Variants in CNGB1 observed in about 807,000 individuals in gnomAD.
CNGB1 encodes cyclic nucleotide gated channel subunit beta 1.
A neutral mutation model predicts 151.7 loss-of-function variants in CNGB1; 126 were observed. The ratio of observed to expected loss-of-function variants is 0.83; its 90% CI spans 0.72 to 0.96. The LOEUF (loss-of-function observed/expected upper bound fraction) is 0.96. Among genes scored for constraint, CNGB1 ranks in the 40% least tolerant of loss-of-function variants. The pLI is 0.00. For missense variants in CNGB1, 1,698 were observed against 1,627.0 expected (o/e 1.04, Z -0.75); for synonymous variants, 623 against 635.1 (o/e 0.98, Z 0.29).
Position 57,949,367 on chromosome 16 carries a change from C to G in CNGB1, c.1107G>C (p.Glu369Asp). The G allele has an allele frequency of 6.2e-7, 1 of 1,610,060 alleles. No homozygotes were observed. Among genetic ancestry groups the G allele is most frequent in the Non-Finnish European group, 8.5e-7 (1 of 1,179,932 alleles). Residue 369 changes from glutamate to aspartate, a missense_variant, in exon 14 of 33, where the codon GAG becomes GAC. Physicochemically the swap from Glu to Asp is conservative, Grantham distance 45. Transcript: ENST00000251102. ...EEEEEEEEEE[E>D]EEVTEVLLDS... ...AAATGACTTACTCAGTCACCTCCTC[C>G]TCTTCCTCCTCCTCCTCCTCTTCCT...
At chr16:57,929,882 C>A (rs1039200325) in intron 17 of CNGB1, among the ~76,000 whole-genome samples, 1 of 152,090 alleles carries the variant, frequency 6.6e-6, no homozygotes, top group Non-Finnish European at 1.5e-5. Context: ...AAATCAAAAC[C>A]ACAATGAGAT....
intron 9 of CNGB1, 42 bp from the exon 10 acceptor site, chr16:57,960,107 G>C: frequency 6.5e-7 from 1 of 1,536,032 alleles, no homozygotes; most frequent in Non-Finnish European, 8.7e-7. Flanking sequence ...GCCATCCCTT[G>C]AGGGCTTCCT....
In CNGB1 at chr16:57,923,303, C is replaced by G; in HGVS notation, c.1613G>C (p.Trp538Ser). The change falls in exon 18 of 33, where the codon TGG (tryptophan) becomes TCG (serine). Residue 538 changes from tryptophan to serine, a missense_variant. Coordinates refer to ENST00000251102, the MANE Select transcript of CNGB1 (RefSeq NM_001297.5). Reference sequence around the variant, plus strand: ...GTCCTTCGGGGTGGTGGGGTCAGACCAGGCAACCACTGGGGACTCTGCTGG... The same window carrying G: ...GTCCTTCGGGGTGGTGGGGTCAGACGAGGCAACCACTGGGGACTCTGCTGG... ...LSPAESPVVA[W>S]SDPTTPKDTD... 1 of 1,612,930 alleles carries G rather than the reference C, an allele frequency of 6.2e-7. No homozygotes were observed.
At chr16:57,950,654 C>G (rs1961926013) in intron 12 of CNGB1, 114 bp from the exon 13 acceptor site, 16 of 1,089,150 alleles carry the variant, frequency 1.5e-5, no homozygotes, top group Non-Finnish European at 2.2e-5. Flanking sequence ...TGCCTCAGTG[C>G]TTAGTCATGC....
rs1340854557 is a variant in CNGB1, at chr16:57,962,891, C to G, written c.382-19G>C. 3.7e-6 allele frequency: 6 copies of G among 1,612,414 alleles called. No individual in the cohort carries two copies. The South Asian group carries it at 6.6e-5, about 18-fold the overall frequency. On this transcript the variant is annotated intron_variant, in intron 5 of 32. Coordinates refer to ENST00000251102, the MANE Select transcript of CNGB1 (RefSeq NM_001297.5). Reference sequence around the variant, plus strand: ...CCAGGATCTGCCAGGGACAGACAGACAGACATGGGCAGGGAGCCCAAGGGC... The same window carrying G: ...CCAGGATCTGCCAGGGACAGACAGAGAGACATGGGCAGGGAGCCCAAGGGC...
At chr16:57,943,664 C>T (rs1961727692) in intron 14 of CNGB1, among the ~76,000 whole-genome samples, 1 of 151,976 alleles carries the variant, frequency 6.6e-6, no homozygotes, top group Non-Finnish European at 1.5e-5. Flanking sequence ...CTGCCCCCAC[C>T]CGAAAAAAGA....
At chr16:57,924,978 C>T (rs1415161125) in intron 17 of CNGB1, among the ~76,000 whole-genome samples, 3 of 152,068 alleles carry the variant, frequency 2.0e-5, no homozygotes, top group African/African-American at 7.2e-5. Flanking sequence ...CCCAATTAAA[C>T]CTCTTTTCTT....
chr16:57,885,623 TTG>T (rs2149350934), intron 32 of CNGB1, among the ~76,000 whole-genome samples: 1 of 147,942 alleles, frequency 6.8e-6, no homozygotes, highest in South Asian at 2.2e-4. Context: ...AGACGGAGTC[TTG>T]CTCTGCCACC....
chr16:57,920,801 C>T (rs1183844760), intron 18 of CNGB1, among the ~76,000 whole-genome samples: 1 of 152,148 alleles, frequency 6.6e-6, no homozygotes, highest in Non-Finnish European at 1.5e-5. Flanking sequence ...TTCAGATGGG[C>T]AGTTCTGGAA....
chr16:57,960,839 C>T lies in CNGB1; in HGVS notation c.534+1G>A, dbSNP rs200862689. ...CCCTGCCTCTCCCTTCCTTGGCTCA[C>T]CTCAGAGGATTTGGGGGGCTGAGGA... On this transcript the variant is annotated splice_donor_variant, in intron 8 of 32. Transcript: ENST00000251102. LOFTEE classifies it high-confidence loss of function. The T allele has an allele frequency of 1.5e-4, 250 of 1,613,808 alleles. No individual in the cohort carries two copies. Among genetic ancestry groups the T allele is most frequent in the Non-Finnish European group, 2.1e-4 (246 of 1,179,978 alleles).
rs770476917 is a variant in CNGB1, at chr16:57,964,110, A to AG, written c.290+19dup. 1.2e-6 allele frequency: 2 copies of AG among 1,613,042 alleles called. No homozygotes were observed. Among genetic ancestry groups the AG allele is most frequent in the Non-Finnish European group, 1.7e-6 (2 of 1,179,368 alleles). On this transcript the variant is annotated intron_variant, in intron 4 of 32. Coordinates refer to ENST00000251102, the MANE Select transcript of CNGB1 (RefSeq NM_001297.5). ...TGGGAGGCGGGCTGGCCCTGAAGAG[A>AG]GGGGAGGGTGGTGCAGTACCTATTC...
At chr16:57,934,145 A>C (rs1961440992) in intron 16 of CNGB1, among the ~76,000 whole-genome samples, 1 of 150,808 alleles carries the variant, frequency 6.6e-6, no homozygotes, top group African/African-American at 2.4e-5. Flanking sequence ...ATGAGCAGGA[A>C]TGGAGAAGTT....
intron 1 of CNGB1, among the ~76,000 whole-genome samples, chr16:57,969,142 C>A (rs1163692174): frequency 2.4e-4 from 37 of 151,870 alleles, no homozygotes; most frequent in Non-Finnish European, 5.9e-5. Context: ...CCCATCTCCA[C>A]TAAAAATACA....
rs534974277 is a variant in CNGB1, at chr16:57,923,500, G to A, written c.1536-120C>T. The A allele has an allele frequency of 1.5e-3, 1,221 of 812,766 alleles. 4 individuals are homozygous for A. The highest frequency in any genetic ancestry group is 2.1e-3 in the Non-Finnish European group (1,028 of 496,610). The allele number at this position is 812,766 out of a possible 1,614,324, so 50.3% of individuals were successfully genotyped here. A position where few individuals can be genotyped will look rare whatever the true frequency, so the allele number is the denominator to read the frequency against. On this transcript the variant is annotated intron_variant, in intron 17 of 32. Transcript: ENST00000251102. ...AATTCCTAGATAGAGGATGGGGGGC[G>A]GAGCATGAACTTCTGAGTCCTCATT...
At chr16:57,892,390 G>A (rs942664783) in intron 31 of CNGB1, among the ~76,000 whole-genome samples, 24 of 152,184 alleles carry the variant, frequency 1.6e-4, no homozygotes, top group African/African-American at 5.6e-4. Flanking sequence ...GGTGGGGAAC[G>A]TGGGGAGATT....
intron 16 of CNGB1, among the ~76,000 whole-genome samples, chr16:57,938,508 C>T (rs1182203657): frequency 2.6e-5 from 4 of 152,152 alleles, no homozygotes; most frequent in African/African-American, 7.2e-5. Flanking sequence ...GCCCAGCAAC[C>T]TGTGAGCTAG....
rs752455418 is a variant in CNGB1 at position 57,923,119 on chromosome 16, C to A, written c.1643+154G>T. Reference sequence around the variant, plus strand: ...GGACTCCTGGGCCAGCCAGAAGCAGCCTGGGCAGGCGACCGATCCCGACTT... The same window carrying A: ...GGACTCCTGGGCCAGCCAGAAGCAGACTGGGCAGGCGACCGATCCCGACTT... On this transcript the variant is annotated intron_variant, in intron 18 of 32. Transcript: ENST00000251102. 4 of 551,870 alleles carry A rather than the reference C, an allele frequency of 7.2e-6. No individual in the cohort carries two copies. In the East Asian group the frequency reaches 9.9e-5, roughly 14 times the overall value. 34.2% of individuals were successfully genotyped at this position (551,870 alleles called of 1,614,324 possible).
intron 14 of CNGB1, among the ~76,000 whole-genome samples, chr16:57,949,130 G>GT (rs1961880746): frequency 6.6e-6 from 1 of 150,570 alleles, no homozygotes; most frequent in South Asian, 2.1e-4. Flanking sequence ...ATTCTAGTGT[G>GT]TGTGGGGGGG....
At chr16:57,931,090 G>A (rs1961333470) in intron 17 of CNGB1, among the ~76,000 whole-genome samples, 2 of 151,000 alleles carry the variant, frequency 1.3e-5, no homozygotes, top group East Asian at 1.9e-4. Flanking sequence ...AAAATGTGGA[G>A]GTAGAAATTA....
Sources: gnomAD v4.1 joint callset for allele counts (sites outside exome capture counted in the v4.1 genomes callset) on GRCh38, gnomAD v4.1.1 for gene constraint, MANE v1.5 for transcripts, NCBI Gene and HGNC (gene_info 2026-07-23, HGNC 2026-07-21) for gene names.